Variants in AVL9 observed in about 807,000 individuals in gnomAD.
AVL9 encodes the protein AVL9 cell migration associated, also known as late secretory pathway protein AVL9 homolog.
AVL9 carries 49 observed loss-of-function variants against 79.2 expected under a neutral mutation model. That is an observed-to-expected ratio of 0.62 (90% CI 0.49 to 0.79). The LOEUF is 0.79. Among genes scored for constraint, AVL9 ranks in the 30% least tolerant of loss-of-function variants. AVL9 has a pLI of 0.00. For synonymous variants in AVL9, 299 were observed against 280.6 expected (o/e 1.07, Z -0.65); for missense variants, 682 against 776.8 (o/e 0.88, Z 1.45).
At chr7:32,524,987 A>T (rs1368524224) in intron 1 of AVL9, among the ~76,000 whole-genome samples, 1 of 152,192 alleles carries the variant, frequency 6.6e-6, no homozygotes, top group East Asian at 1.9e-4. Context: ...GACAATACTC[A>T]TGAGCAGGGA....
At chr7:32,528,624 GTAC>G (rs1788505555) in intron 1 of AVL9, among the ~76,000 whole-genome samples, 1 of 152,004 alleles carries the variant, frequency 6.6e-6, no homozygotes, top group Non-Finnish European at 1.5e-5. Flanking sequence ...GGCTCCCTTG[GTAC>G]TACTCTTTTT....
chr7:32,553,511 G>A (rs954685655), intron 6 of AVL9, among the ~76,000 whole-genome samples: 1 of 152,114 alleles, frequency 6.6e-6, no homozygotes, highest in Non-Finnish European at 1.5e-5. Flanking sequence ...GGACAAGACA[G>A]GTTTAAAATA....
intron 10 of AVL9, among the ~76,000 whole-genome samples, chr7:32,569,627 A>AT (rs1160889165): frequency 6.6e-6 from 1 of 152,226 alleles, no homozygotes; most frequent in Non-Finnish European, 1.5e-5. Flanking sequence ...AGATGCATGT[A>AT]TTTTAAATTT....
intron 15 of AVL9, among the ~76,000 whole-genome samples, chr7:32,582,277 T>C (rs1791545793): frequency 1.3e-5 from 2 of 148,772 alleles, no homozygotes; most frequent in African/African-American, 5.2e-5. Flanking sequence ...CTGAAAGAGG[T>C]TGACTAACCG....
intron 8 of AVL9, among the ~76,000 whole-genome samples, chr7:32,557,853 CTTTTTTT>C (rs3079799): frequency 1.4e-5 from 1 of 73,272 alleles, no homozygotes; most frequent in African/African-American, 5.2e-5. Flanking sequence ...AGCTGTTACT[CTTTTTTT>C]TTTTTTTTTT....
intron 1 of AVL9, among the ~76,000 whole-genome samples, chr7:32,503,622 C>T (rs1486603114): frequency 4.0e-5 from 6 of 149,548 alleles, no homozygotes; most frequent in Non-Finnish European, 7.4e-5. Flanking sequence ...TTCATCACAT[C>T]ACTGTGCTCA....
rs1389715109 is a variant in AVL9 at position 32,586,887 on chromosome 7, A to G, written c.*2980A>G. On this transcript the variant is annotated 3_prime_UTR_variant, in exon 16 of 16. Transcript: ENST00000318709. The stretch of plus-strand genomic sequence containing the variant: ...TAAAACTACCAGTTGTGGAATAGAA[A>G]TAGTTGCATGTCCAAAGAAGGCTTA... The G allele has an allele frequency of 6.6e-6, 1 of 152,254 alleles. No individual in the cohort carries two copies. Among genetic ancestry groups the G allele is most frequent in the Non-Finnish European group, 1.5e-5 (1 of 68,086 alleles). 9.4% of individuals were successfully genotyped at this position (152,254 alleles called of 1,614,324 possible).
intron 8 of AVL9, 46 bp from the exon 9 acceptor site, chr7:32,558,513 C>T (rs191830463): frequency 3.3e-5 from 45 of 1,370,638 alleles, no homozygotes; most frequent in Admixed American, 2.4e-4. Flanking sequence ...TCATTATGGA[C>T]GGCTTCATGG....
chr7:32,543,008 G>T, intron 1 of AVL9, 133 bp from the exon 2 acceptor site: 3 of 1,105,998 alleles, frequency 2.7e-6, no homozygotes, highest in South Asian at 1.6e-5. Flanking sequence ...GTTTGCTGAT[G>T]ATATCAAATG....
intron 1 of AVL9, chr7:32,533,136 G>C (rs941933351): frequency 6.6e-6 from 1 of 152,028 alleles, no homozygotes; most frequent in Non-Finnish European, 1.5e-5. Flanking sequence ...ATGAAACCCC[G>C]TCTCTACTAA....
At chr7:32,505,763 A>G (rs148612443) in intron 1 of AVL9, among the ~76,000 whole-genome samples, 1,721 of 152,300 alleles carry the variant, frequency 0.011, 35 homozygotes, top group African/African-American at 0.038. Context: ...CTCAAACAAT[A>G]GCTCTGCTGT....
intron 13 of AVL9, among the ~76,000 whole-genome samples, chr7:32,576,978 A>G (rs1791132311): frequency 6.6e-6 from 1 of 152,260 alleles, no homozygotes; most frequent in African/African-American, 2.4e-5. Context: ...CTGAGTGTGA[A>G]TACAACAGAG....
chr7:32,559,547 A>G lies in AVL9; in HGVS notation c.1215+83A>G. ...TTTAACTTTTGAACTTTTGGTATTC[A>G]ACACATTTTCAGGTGGAAAAATTTC... On this transcript the variant is annotated intron_variant, in intron 10 of 15. Coordinates refer to ENST00000318709, the MANE Select transcript of AVL9 (RefSeq NM_015060.3). 2.8e-6 allele frequency: 4 copies of G among 1,422,174 alleles called. No homozygotes were observed. The South Asian group carries it at 6.1e-5, about 22-fold the overall frequency. 88.1% of individuals were successfully genotyped at this position (1,422,174 alleles called of 1,614,324 possible).
intron 1 of AVL9, among the ~76,000 whole-genome samples, chr7:32,510,369 C>A (rs568196130): frequency 6.6e-6 from 1 of 151,450 alleles, no homozygotes; most frequent in South Asian, 2.1e-4. Context: ...ATGAGGGAAA[C>A]CATCTCCCCA....
In AVL9 at chr7:32,584,874, A is replaced by G. The variant is rs1192447223; in HGVS notation, c.*967A>G. Reference sequence around the variant, plus strand: ...AACCTCCATCTCCCGGGTTCAAGCAATTCTTGTACCTCAGCCTCCCAAGTA... The same window carrying G: ...AACCTCCATCTCCCGGGTTCAAGCAGTTCTTGTACCTCAGCCTCCCAAGTA... On this transcript the variant is annotated 3_prime_UTR_variant, in exon 16 of 16. Transcript: ENST00000318709. 6.8e-6 allele frequency: 1 copy of G among 147,736 alleles called. No homozygotes were observed. The highest frequency in any genetic ancestry group is 1.5e-5 in the Non-Finnish European group (1 of 67,712). 9.2% of individuals were successfully genotyped at this position (147,736 alleles called of 1,614,324 possible).
At chr7:32,531,727 C>T (rs1172783894) in intron 1 of AVL9, 2 of 152,182 alleles carry the variant, frequency 1.3e-5, no homozygotes, top group Admixed American at 1.3e-4. Context: ...GCATTCCACC[C>T]CTCGTGGAGG....
At chr7:32,505,149 C>T (rs984821708) in intron 1 of AVL9, among the ~76,000 whole-genome samples, 1 of 151,440 alleles carries the variant, frequency 6.6e-6, no homozygotes, top group African/African-American at 2.4e-5. Context: ...GCTGGGATTA[C>T]AGGTGTGAAT....
At chr7:32,508,671 T>C (rs1481259634) in intron 1 of AVL9, among the ~76,000 whole-genome samples, 1 of 152,208 alleles carries the variant, frequency 6.6e-6, no homozygotes, top group African/African-American at 2.4e-5. Flanking sequence ...AATTGTGAGG[T>C]AGAAATCATT....
chr7:32,568,820 T>C (rs1205546605), intron 10 of AVL9, among the ~76,000 whole-genome samples: 1 of 152,200 alleles, frequency 6.6e-6, no homozygotes, highest in African/African-American at 2.4e-5. Context: ...ATAATACTGA[T>C]TCTGAATGAG....
Sources: gnomAD v4.1 joint callset for allele counts (sites outside exome capture counted in the v4.1 genomes callset) on GRCh38, gnomAD v4.1.1 for gene constraint, MANE v1.5 for transcripts, NCBI Gene and HGNC (gene_info 2026-07-23, HGNC 2026-07-21) for gene names.